FOXM1: variants seen among roughly 807,000 people sequenced by gnomAD.
FOXM1 encodes forkhead box M1, also known as forkhead box protein M1.
In FOXM1, 25 loss-of-function variants were observed where a neutral mutation model predicts 63.6. The ratio of observed to expected loss-of-function variants is 0.39; its 90% CI spans 0.29 to 0.55. The LOEUF (loss-of-function observed/expected upper bound fraction) is 0.55. Ranked by LOEUF, FOXM1 falls within the 20% of genes least tolerant of loss-of-function variation. The probability of loss-of-function intolerance (pLI) is 0.60; values close to 1 mark genes in which losing one functional copy is unlikely to be tolerated. For missense variants in FOXM1, 879 were observed against 958.7 expected (o/e 0.92, Z 1.10); for synonymous variants, 387 against 376.9 (o/e 1.03, Z -0.31).
rs1259789025 is a variant in FOXM1 at position 2,859,523 on chromosome 12, T to C, written c.1407A>G (p.Glu469=). The C allele has an allele frequency of 6.2e-7, 1 of 1,613,898 alleles. No homozygotes were observed. The highest frequency in any genetic ancestry group is 8.5e-7 in the Non-Finnish European group (1 of 1,180,000). The change falls in exon 9 of 9, where the codon GAA becomes GAG. Residue 469 remains glutamate (E), a synonymous_variant. Transcript: ENST00000359843. ...IKEEEIQPGE[E]MPHLARPIKV... is the part of the protein sequence containing the mutation. ...TGATGGGTCTCGCTAAGTGTGGCATTTCCTCCCCAGGCTGGATTTCTTCCT... is the reference window on the plus strand; with the variant it reads ...TGATGGGTCTCGCTAAGTGTGGCATCTCCTCCCCAGGCTGGATTTCTTCCT...
intron 1 of FOXM1, among the ~76,000 whole-genome samples, chr12:2,876,053 G>A (rs1418899270): frequency 2.0e-5 from 3 of 151,910 alleles, no homozygotes; most frequent in African/African-American, 4.8e-5. Flanking sequence ...GAGCCACTGC[G>A]CCCGGCCTTT....
chr12:2,871,682 T>C (rs956633682), intron 3 of FOXM1, among the ~76,000 whole-genome samples: 2 of 152,098 alleles, frequency 1.3e-5, no homozygotes, highest in Non-Finnish European at 1.5e-5. Flanking sequence ...CGTGTATATA[T>C]ATAACTGACT....
At position 2,858,821 on chromosome 12, in the gene FOXM1, G is replaced by A; in HGVS notation, c.2109C>T (p.Gly703=). Residue 703 remains glycine (G), a synonymous_variant, in exon 9 of 9, where the codon GGC becomes GGT. Transcript: ENST00000359843. The part of the protein sequence containing the change: ...SPSDIDVPKP[G]SPEPQVSGLA... ...GGCCAGAAACCTGTGGCTCCGGGGA[G>A]CCTGGCTTGGGGACGTCTATATCTG... 4 of 1,614,238 alleles carry A rather than the reference G, an allele frequency of 2.5e-6. No individual in the cohort carries two copies. The South Asian group carries it at 3.3e-5, about 13-fold the overall frequency.
chr12:2,874,576 G>T lies in FOXM1; in HGVS notation c.-47-51C>A. ...TGTTAGAGATTGTTTAGGCTGAGAA[G>T]AGGTCCTTTTAGAGAAAGGTGCTCC... On this transcript the variant is annotated intron_variant, in intron 1 of 8. Coordinates refer to ENST00000359843, the MANE Select transcript of FOXM1 (RefSeq NM_021953.4). The surrounding 1 kb of genome is among the most constrained non-coding windows in gnomAD (Gnocchi z 4.3). 7.6e-7 allele frequency: 1 copy of T among 1,315,608 alleles called. No homozygotes were observed. Among genetic ancestry groups the T allele is most frequent in the Non-Finnish European group, 1.0e-6 (1 of 963,670 alleles). The allele number at this position is 1,315,608 out of a possible 1,614,324, so 81.5% of individuals were successfully genotyped here.
rs745405351 is a variant in FOXM1, at chr12:2,864,648, A to T, written c.1090+35T>A. On this transcript the variant is annotated intron_variant, in intron 7 of 8. Transcript: ENST00000359843. This position sits in a 1 kb window ranked among gnomAD's most constrained non-coding sequence, Gnocchi z 5.1. The stretch of plus-strand genomic sequence containing the variant: ...TCCCTAAAGATATGGCCCCAGAACA[A>T]GGACCAGGCCCAAGGCCCACTCTCC... 1 of 1,609,410 alleles carries T rather than the reference A, an allele frequency of 6.2e-7. No individual in the cohort carries two copies. The highest frequency in any genetic ancestry group is 1.3e-5 in the African/African-American group (1 of 74,830).
At position 2,876,084 on chromosome 12, in the gene FOXM1, T is replaced by G. The variant is rs138351015; in HGVS notation, c.-48+836A>C. On this transcript the variant is annotated intron_variant, in intron 1 of 8. Coordinates refer to ENST00000359843, the MANE Select transcript of FOXM1 (RefSeq NM_021953.4). The stretch of plus-strand genomic sequence containing the variant: ...CCTTTTGTTGATTTTAATAGATACA[T>G]GGAATATTCTACCATTAAGCAAAAT... Among the ~76,000 whole-genome samples, 743 of 152,266 alleles carry G rather than the reference T, an allele frequency of 4.9e-3. 9 individuals are homozygous for G. The highest frequency in any genetic ancestry group is 0.017 in the African/African-American group (712 of 41,542).
In FOXM1 at chr12:2,872,255, GA is replaced by G. The variant is rs1479795054; in HGVS notation, c.503-9del. On this transcript the variant is annotated splice_polypyrimidine_tract_variant and intron_variant, in intron 2 of 8. Coordinates refer to ENST00000359843, the MANE Select transcript of FOXM1 (RefSeq NM_021953.4). The surrounding 1 kb of genome is among the most constrained non-coding windows in gnomAD (Gnocchi z 4.0). ...CTGCTGCCTCACCATCTGCTAGAGGGAAAATAATCCAACACCCCACTTAGCT... is the reference window on the plus strand; with the variant it reads ...CTGCTGCCTCACCATCTGCTAGAGGGAAATAATCCAACACCCCACTTAGCT... 6.2e-7 allele frequency: 1 copy of G among 1,613,706 alleles called. No individual in the cohort carries two copies. The highest frequency in any genetic ancestry group is 1.3e-5 in the African/African-American group (1 of 74,942).
chr12:2,869,614 T>C (rs1204842851), intron 3 of FOXM1, among the ~76,000 whole-genome samples: 3 of 152,016 alleles, frequency 2.0e-5, no homozygotes, highest in Admixed American at 2.0e-4. Context: ...TTTTTTGTAT[T>C]TTTAGTAGAG....
chr12:2,859,048 G>T lies in FOXM1; in HGVS notation c.1882C>A (p.Pro628Thr), dbSNP rs2098101151. 1.2e-6 allele frequency: 2 copies of T among 1,609,056 alleles called. No homozygotes were observed. Among genetic ancestry groups the T allele is most frequent in the East Asian group, 4.5e-5 (2 of 44,784 alleles). The change falls in exon 9 of 9, where the codon CCC (proline) becomes ACC (threonine). Residue 628 changes from proline to threonine, a missense_variant. Coordinates refer to ENST00000359843, the MANE Select transcript of FOXM1 (RefSeq NM_021953.4). ...PRTPESWRLT[P>T]PAKVGGLDFS... ...TCCAGTCCCCCTACTTTGGCTGGGGGCGTGAGCCTCCAGGATTCAGGGGTT... is the reference window on the plus strand; with the variant it reads ...TCCAGTCCCCCTACTTTGGCTGGGGTCGTGAGCCTCCAGGATTCAGGGGTT...
chr12:2,868,082 C>T (rs559116272), intron 4 of FOXM1: 3 of 152,276 alleles, frequency 2.0e-5, no homozygotes, highest in Admixed American at 6.6e-5. Context: ...GTGGCTCTGA[C>T]ACCGACCAAC....
intron 4 of FOXM1, 93 bp downstream of exon 4, chr12:2,868,470 T>C: frequency 2.3e-6 from 2 of 871,892 alleles, no homozygotes; most frequent in South Asian, 1.8e-5. Context: ...TCCTTTGCAC[T>C]TAACTGCTGT....
Position 2,858,933 on chromosome 12 carries a change from CT to C in FOXM1, c.1996del (p.Ser666ValfsTer17), listed in dbSNP as rs1335518564. Reference protein sequence around the residue: ...LMDLSTTPLQSAPPLESPQRL... With the variant: ...LMDLSTTPLQXAPPLESPQRL... ...TTGCGGTGATTCAAGGGGGGGAGCACTTTGCAAGGGAGTGGTGCTGAGATCC... is the reference window on the plus strand; with the variant it reads ...TTGCGGTGATTCAAGGGGGGGAGCACTTGCAAGGGAGTGGTGCTGAGATCC... On this transcript the variant is annotated frameshift_variant, in exon 9 of 9. Transcript: ENST00000359843. LOFTEE classifies it high-confidence loss of function. 6.2e-7 allele frequency: 1 copy of C among 1,613,588 alleles called. No individual in the cohort carries two copies. Among genetic ancestry groups the C allele is most frequent in the Non-Finnish European group, 8.5e-7 (1 of 1,179,974 alleles).
chr12:2,870,414 C>T (rs1332009193), intron 3 of FOXM1, among the ~76,000 whole-genome samples: 1 of 152,178 alleles, frequency 6.6e-6, no homozygotes, highest in Non-Finnish European at 1.5e-5. Flanking sequence ...CCTGTAATCC[C>T]AACACTTTGG....
In FOXM1 at chr12:2,858,974, G is replaced by A. The variant is rs141697908; in HGVS notation, c.1956C>T (p.Asp652=). Residue 652 remains aspartate (D), a synonymous_variant, in exon 9 of 9, where the codon GAC becomes GAT. Transcript: ENST00000359843. ...TSQGASDPLP[D]PLGLMDLSTT... The stretch of plus-strand genomic sequence containing the variant: ...TGCTGAGATCCATCAGCCCCAGGGG[G>A]TCAGGCAAGGGGTCAGAGGCACCCT... The A allele has an allele frequency of 6.8e-6, 11 of 1,613,360 alleles. No individual in the cohort carries two copies. The highest frequency in any genetic ancestry group is 1.6e-4 in the Middle Eastern group (1 of 6,084).
rs1364852054 is a variant in FOXM1, at chr12:2,858,593, G to A, written c.*45C>T. On this transcript the variant is annotated 3_prime_UTR_variant, in exon 9 of 9. Coordinates refer to ENST00000359843, the MANE Select transcript of FOXM1 (RefSeq NM_021953.4). ...CTTGGGGTGCACTGAGCCTTGGAGTGCCCGGGATGGTGGACAGCTTGAGCA... is the reference window on the plus strand; with the variant it reads ...CTTGGGGTGCACTGAGCCTTGGAGTACCCGGGATGGTGGACAGCTTGAGCA... The A allele has an allele frequency of 6.4e-7, 1 of 1,557,990 alleles. No individual in the cohort carries two copies. Among genetic ancestry groups the A allele is most frequent in the Non-Finnish European group, 8.7e-7 (1 of 1,143,284 alleles).
intron 4 of FOXM1, 96 bp from the exon 5 acceptor site, chr12:2,866,617 C>T: frequency 1.5e-6 from 2 of 1,326,796 alleles, no homozygotes; most frequent in Non-Finnish European, 2.0e-6. Context: ...GCCCCTCCCA[C>T]TGTGCTCAGC....
At position 2,874,213 on chromosome 12, in the gene FOXM1, GTGA is replaced by G; in HGVS notation, c.263_265del (p.Ile88del). The G allele has an allele frequency of 4.3e-6, 7 of 1,614,200 alleles. No homozygotes were observed. Among genetic ancestry groups the G allele is most frequent in the Non-Finnish European group, 5.9e-6 (7 of 1,180,050 alleles). Reference sequence around the variant, plus strand: ...CTCTTTTCCCTTGGCAGTCAGTGCTGTGATGATGCTGTGAATATTAGCATTGTT... The same window carrying G: ...CTCTTTTCCCTTGGCAGTCAGTGCTGTGATGCTGTGAATATTAGCATTGTT... On this transcript the variant is annotated inframe_deletion, in exon 2 of 9. Coordinates refer to ENST00000359843, the MANE Select transcript of FOXM1 (RefSeq NM_021953.4). The surrounding 1 kb of genome is among the most constrained non-coding windows in gnomAD (Gnocchi z 4.3).
chr12:2,865,421 G>A, intron 5 of FOXM1, 22 bp from the exon 6 acceptor site: 1 of 1,606,640 alleles, frequency 6.2e-7, no homozygotes, highest in Non-Finnish European at 8.5e-7. Flanking sequence ...CAGGCATTGT[G>A]GGAGAGAAAT....
Position 2,874,154 on chromosome 12 carries a change from T to G in FOXM1, c.325A>C (p.Ile109Leu). The G allele has an allele frequency of 6.2e-7, 1 of 1,614,156 alleles. No homozygotes were observed. The highest frequency in any genetic ancestry group is 2.2e-5 in the East Asian group (1 of 44,884). Residue 109 changes from isoleucine (I) to leucine (L), a missense_variant, in exon 2 of 9, where the codon ATC (isoleucine) becomes CTC (leucine). Ile to Leu is a conservative substitution (Grantham distance 5). Transcript: ENST00000359843. The surrounding 1 kb of genome is among the most constrained non-coding windows in gnomAD (Gnocchi z 4.3). ...TGAGTTGGGGCTCCCCCACAGCTGA[T>G]GAGGATGAATTTGTTGGGCCCACTA... Reference protein sequence around the residue: ...GSSGPNKFILISCGGAPTQPP... With the variant: ...GSSGPNKFILLSCGGAPTQPP...
Sources: allele counts gnomAD v4.1 joint callset (sites outside exome capture counted in the v4.1 genomes callset), GRCh38; gene constraint gnomAD v4.1.1; non-coding constraint Gnocchi (gnomAD v3.1); transcripts MANE v1.5; gene names NCBI Gene and HGNC (gene_info 2026-07-23, HGNC 2026-07-21).